PRDM16: variants seen among roughly 807,000 people sequenced by gnomAD.
The protein encoded by PRDM16 is PR/SET domain 16.
PRDM16 carries 23 observed loss-of-function variants against 110.6 expected under a neutral mutation model. The ratio of observed to expected loss-of-function variants is 0.21; its 90% confidence interval spans 0.15 to 0.29. PRDM16 has a LOEUF of 0.29. PRDM16 is among the 10% of genes least tolerant of loss of function. PRDM16 has a pLI of 1.00. For missense variants in PRDM16, 1,615 were observed against 1,794.3 expected, an observed-to-expected ratio of 0.90 and a Z score of 1.81; for synonymous variants, 799 against 781.8, an observed-to-expected ratio of 1.02 and a Z score of -0.37.
Position 3,089,932 on chromosome 1 carries a change from C to CATTCAT in PRDM16, c.37+20636_37+20637insATTCAT, listed in dbSNP as rs1351885196. Among the ~76,000 whole-genome samples the CATTCAT allele has an allele frequency of 5.9e-4, 55 of 93,042 alleles. 2 individuals carry two copies. The East Asian group carries it at 0.015, about 26-fold the overall frequency. 61.0% of individuals were successfully genotyped at this position (93,042 alleles called of 152,430 possible). A position where few individuals can be genotyped will look rare whatever the true frequency, so the allele number is the denominator to read the frequency against. ...AAAATCCACTCATTCATTCATTCAT[C>CATTCAT]CATTCATTCCTGCCACAGTTCCATG... On this transcript the variant is annotated intron_variant, in intron 1 of 16. Coordinates refer to ENST00000270722, the MANE Select transcript of PRDM16 (RefSeq NM_022114.4).
chr1:3,120,801 G>A (rs1008124752), intron 1 of PRDM16, among the ~76,000 whole-genome samples: 2 of 152,208 alleles, frequency 1.3e-5, no homozygotes, highest in Non-Finnish European at 2.9e-5. Context: ...GCCGAGCCCT[G>A]GCCAAGAGTG....
intron 11 of PRDM16, among the ~76,000 whole-genome samples, 175 bp from the exon 12 acceptor site, chr1:3,418,492 T>C (rs570207272): frequency 2.0e-5 from 3 of 152,314 alleles, no homozygotes; most frequent in African/African-American, 7.2e-5. Context: ...CAGCCTGCTC[T>C]GCAACTGAGG....
intron 1 of PRDM16, among the ~76,000 whole-genome samples, chr1:3,077,993 C>T (rs749711488): frequency 1.3e-5 from 2 of 152,198 alleles, no homozygotes; most frequent in African/African-American, 2.4e-5. Context: ...CAGTGGATGC[C>T]TCCCCTACTG....
chr1:3,348,615 C>T (rs1018673651), intron 3 of PRDM16, among the ~76,000 whole-genome samples: 6 of 152,374 alleles, frequency 3.9e-5, no homozygotes, highest in Middle Eastern at 3.4e-3. Context: ...GGGGCTTCCC[C>T]GGAGCTTTGA....
intron 2 of PRDM16, among the ~76,000 whole-genome samples, chr1:3,223,946 A>G (rs1486346842): frequency 6.6e-6 from 1 of 152,202 alleles, no homozygotes; most frequent in Non-Finnish European, 1.5e-5. Flanking sequence ...TCCTCCTTTT[A>G]CAAATATTAA....
intron 3 of PRDM16, among the ~76,000 whole-genome samples, chr1:3,285,875 C>A (rs1387271964): frequency 1.3e-5 from 2 of 152,206 alleles, no homozygotes; most frequent in African/African-American, 4.8e-5. Context: ...TGGTTTTCAT[C>A]TCTGCCGAGC....
intron 14 of PRDM16, among the ~76,000 whole-genome samples, chr1:3,430,028 A>C (rs1325773932): frequency 1.3e-5 from 2 of 152,168 alleles, no homozygotes; most frequent in Non-Finnish European, 2.9e-5. Flanking sequence ...GGGCATGGGC[A>C]GTCCAGAAAC....
At chr1:3,340,671 G>A (rs1287897245) in intron 3 of PRDM16, among the ~76,000 whole-genome samples, 2 of 152,118 alleles carry the variant, frequency 1.3e-5, no homozygotes, top group Non-Finnish European at 2.9e-5. Flanking sequence ...CTTATTTGGG[G>A]GCCTGAAAAT....
chr1:3,422,645 G>C (rs1157321806), intron 12 of PRDM16, among the ~76,000 whole-genome samples: 1 of 152,260 alleles, frequency 6.6e-6, no homozygotes, highest in Non-Finnish European at 1.5e-5. Flanking sequence ...GCATTGGAGG[G>C]TGTAAAATCC....
intron 1 of PRDM16, among the ~76,000 whole-genome samples, chr1:3,144,282 G>A (rs1429750460): frequency 6.6e-6 from 1 of 152,216 alleles, no homozygotes; most frequent in Non-Finnish European, 1.5e-5. Context: ...GGGTCCCTGG[G>A]AGGGAGAGAG....
intron 14 of PRDM16, among the ~76,000 whole-genome samples, chr1:3,430,540 C>T (rs1167595405): frequency 1.3e-5 from 2 of 152,226 alleles, no homozygotes; most frequent in Non-Finnish European, 2.9e-5. Flanking sequence ...CAGTGCAGGT[C>T]CAGCTTCCCC....
intron 3 of PRDM16, among the ~76,000 whole-genome samples, chr1:3,285,501 C>T (rs554765420): frequency 6.6e-6 from 1 of 152,332 alleles, no homozygotes; most frequent in East Asian, 1.9e-4. Flanking sequence ...ATGTCCCCTG[C>T]CTTCCTGGGA....
At position 3,157,139 on chromosome 1, in the gene PRDM16, C is replaced by A. The variant is rs1185026510; in HGVS notation, c.38-28986C>A. 2.0e-5 allele frequency among the ~76,000 whole-genome samples: 3 copies of A among 152,186 alleles called. No individual in the cohort carries two copies. Among genetic ancestry groups the A allele is most frequent in the Non-Finnish European group, 4.4e-5 (3 of 68,034 alleles). ...GCAGGGAGTGTTAGCACCTGCCGGG[C>A]TCAGCCTGGGCGGCTCAGAGGGCGG... On this transcript the variant is annotated intron_variant, in intron 1 of 16. Coordinates refer to ENST00000270722, the MANE Select transcript of PRDM16 (RefSeq NM_022114.4). The surrounding 1 kb of genome is among the most constrained non-coding windows in gnomAD (Gnocchi z 4.8).
intron 1 of PRDM16, among the ~76,000 whole-genome samples, chr1:3,163,274 C>T (rs1277096212): frequency 2.4e-5 from 3 of 126,570 alleles, no homozygotes; most frequent in African/African-American, 1.0e-4. Context: ...AGGGGATGTG[C>T]GCAGAAGCCC....
chr1:3,338,243 T>C (rs1355084923), intron 3 of PRDM16, among the ~76,000 whole-genome samples: 1 of 152,222 alleles, frequency 6.6e-6, no homozygotes, highest in African/African-American at 2.4e-5. Flanking sequence ...GCCCCAAGCC[T>C]CCCAGATGCC....
intron 2 of PRDM16, among the ~76,000 whole-genome samples, chr1:3,192,302 C>T (rs1638332431): frequency 1.3e-5 from 2 of 152,160 alleles, no homozygotes; most frequent in Non-Finnish European, 2.9e-5. Flanking sequence ...GGGTTGGGTG[C>T]CTGCAGGCCT....
Position 3,166,244 on chromosome 1 carries a change from C to T in PRDM16, c.38-19881C>T, listed in dbSNP as rs190823621. Among the ~76,000 whole-genome samples the T allele has an allele frequency of 3.2e-3, 494 of 152,372 alleles. 2 individuals are homozygous for T. The highest frequency in any genetic ancestry group is 6.8e-3 in the South Asian group (33 of 4,830). ...ATGGATGCAAGCAAATAATGAGAAACAGCTCCCGAAGAGCTTTGCTCAAAC... is the reference window on the plus strand; with the variant it reads ...ATGGATGCAAGCAAATAATGAGAAATAGCTCCCGAAGAGCTTTGCTCAAAC... On this transcript the variant is annotated intron_variant, in intron 1 of 16. Coordinates refer to ENST00000270722, the MANE Select transcript of PRDM16 (RefSeq NM_022114.4).
chr1:3,218,612 T>C (rs1351712879), intron 2 of PRDM16, among the ~76,000 whole-genome samples: 1 of 152,250 alleles, frequency 6.6e-6, no homozygotes, highest in Non-Finnish European at 1.5e-5. Context: ...GGATGTTCTC[T>C]GCCTTCCTTC....
At chr1:3,184,347 C>G (rs1644243913) in intron 1 of PRDM16, among the ~76,000 whole-genome samples, 1 of 151,988 alleles carries the variant, frequency 6.6e-6, no homozygotes, top group Non-Finnish European at 1.5e-5. Flanking sequence ...CTTAAAAGTT[C>G]TGGTCTCCTT....
Sources: allele counts gnomAD v4.1 joint callset (sites outside exome capture counted in the v4.1 genomes callset), GRCh38; gene constraint gnomAD v4.1.1; non-coding constraint Gnocchi (gnomAD v3.1); transcripts MANE v1.5; gene names NCBI Gene and HGNC (gene_info 2026-07-23, HGNC 2026-07-21).